Variants in ANK2 observed in about 807,000 individuals in gnomAD.
The protein encoded by ANK2 is ankyrin 2.
ANK2 carries 83 observed loss-of-function variants against 360.5 expected under a neutral mutation model. The ratio of observed to expected loss-of-function variants is 0.23; its 90% CI spans 0.19 to 0.28. The LOEUF (loss-of-function observed/expected upper bound fraction) is 0.28. Ranked by LOEUF, ANK2 falls within the 10% of genes least tolerant of loss-of-function variation. The probability of loss-of-function intolerance (pLI) is 1.00; values close to 1 mark genes in which losing one functional copy is unlikely to be tolerated. For missense variants in ANK2, 4,201 were observed against 4,795.7 expected, an observed-to-expected ratio of 0.88 and a Z score of 3.66; for synonymous variants, 1,740 against 1,759.5, an observed-to-expected ratio of 0.99 and a Z score of 0.28.
At chr4:113,167,663 A>C (rs536890543) in intron 1 of ANK2, among the ~76,000 whole-genome samples, 3 of 152,224 alleles carry the variant, frequency 2.0e-5, no homozygotes, top group Admixed American at 6.5e-5. Context: ...AAAATGCATA[A>C]ATTATAAATG....
chr4:113,254,293 C>T (rs893472886), intron 10 of ANK2, among the ~76,000 whole-genome samples: 4 of 152,136 alleles, frequency 2.6e-5, no homozygotes, highest in Admixed American at 6.5e-5. Context: ...TCGATAGAGA[C>T]GGGGGTTTCC....
intron 2 of ANK2, among the ~76,000 whole-genome samples, chr4:112,978,534 A>T (rs1406731045): frequency 6.6e-6 from 1 of 152,154 alleles, no homozygotes; most frequent in Non-Finnish European, 1.5e-5. Context: ...AACTCTCTGA[A>T]TTAGGTTATT....
chr4:112,752,061 T>C, the ANK2 span, among the ~76,000 whole-genome samples: 2 of 152,216 alleles, frequency 1.3e-5, no homozygotes, highest in Non-Finnish European at 2.9e-5. Context: ...GTGGTTCTTA[T>C]ACACATGGCA....
chr4:113,249,667 G>T, intron 9 of ANK2, 97 bp from the exon 10 acceptor site: 1 of 1,097,484 alleles, frequency 9.1e-7, no homozygotes, highest in East Asian at 2.5e-5. Flanking sequence ...TGAGTAATCA[G>T]GATTGAGTTT....
the ANK2 span, among the ~76,000 whole-genome samples, chr4:112,812,568 C>G: frequency 2.0e-5 from 3 of 152,184 alleles, no homozygotes; most frequent in African/African-American, 7.2e-5. Flanking sequence ...AGTGAATGAA[C>G]CCTCAGAGGA....
intron 1 of ANK2, among the ~76,000 whole-genome samples, chr4:112,842,583 C>G (rs913514209): frequency 6.6e-6 from 1 of 152,092 alleles, no homozygotes; most frequent in Non-Finnish European, 1.5e-5. Flanking sequence ...ATAAGAAGCC[C>G]GTAACTTAGA....
chr4:112,755,182 G>A, the ANK2 span, among the ~76,000 whole-genome samples: 1 of 152,156 alleles, frequency 6.6e-6, no homozygotes, highest in East Asian at 1.9e-4. Flanking sequence ...GGATTGTCCT[G>A]TGTCAAGTTT....
At chr4:113,231,839 A>G (rs2099311823) in intron 4 of ANK2, among the ~76,000 whole-genome samples, 1 of 152,144 alleles carries the variant, frequency 6.6e-6, no homozygotes, top group Non-Finnish European at 1.5e-5. Context: ...TGACCTCATG[A>G]TCCACCCGCC....
chr4:113,126,170 A>G (rs186374475), intron 1 of ANK2, among the ~76,000 whole-genome samples: 1 of 152,322 alleles, frequency 6.6e-6, no homozygotes, highest in East Asian at 1.9e-4. Flanking sequence ...TACACTGATA[A>G]TACCAGGAGT....
chr4:112,772,468 C>T, the ANK2 span, among the ~76,000 whole-genome samples: 158 of 152,186 alleles, frequency 1.0e-3, no homozygotes, highest in African/African-American at 3.2e-3. Flanking sequence ...CATATCAGTG[C>T]CTTATTTTGG....
intron 17 of ANK2, 121 bp from the exon 18 acceptor site, chr4:113,282,554 A>C: frequency 1.0e-6 from 1 of 976,810 alleles, no homozygotes; most frequent in Admixed American, 2.0e-5. Context: ...AGTTTGGATT[A>C]ACTGTAAACT....
chr4:113,126,034 C>A (rs1395107), intron 1 of ANK2, among the ~76,000 whole-genome samples: 104,250 of 151,940 alleles, frequency 0.69, 36,051 homozygotes, highest in African/African-American at 0.72. Flanking sequence ...ATATAAAGCT[C>A]TATGGTTGTT....
the ANK2 span, chr4:112,739,230 A>G: frequency 3.7e-6 from 1 of 270,172 alleles, no homozygotes; most frequent in Non-Finnish European, 7.1e-6. Context: ...GAGTTAAAAT[A>G]GGCAAAAAAG....
chr4:113,144,557 A>T (rs185001097), intron 1 of ANK2, among the ~76,000 whole-genome samples: 1 of 151,856 alleles, frequency 6.6e-6, no homozygotes, highest in Non-Finnish European at 1.5e-5. Flanking sequence ...ATTGCTTCCA[A>T]TTCAATACTT....
At chr4:113,331,823 C>T (rs2092515803) in intron 27 of ANK2, 149 bp from the exon 28 acceptor site, 3 of 798,400 alleles carry the variant, frequency 3.8e-6, no homozygotes, top group East Asian at 2.4e-5. Context: ...GTTCCTTGCT[C>T]TTTGTGACCA....
At chr4:113,118,491 A>G (rs1274041662) in intron 1 of ANK2, among the ~76,000 whole-genome samples, 1 of 152,166 alleles carries the variant, frequency 6.6e-6, no homozygotes, top group Non-Finnish European at 1.5e-5. Flanking sequence ...TTGAGAACCA[A>G]CATTGAGTTG....
intron 2 of ANK2, among the ~76,000 whole-genome samples, chr4:112,912,713 T>G (rs1015673065): frequency 1.3e-5 from 2 of 151,906 alleles, no homozygotes; most frequent in Admixed American, 1.3e-4. Context: ...GTGACCAGAG[T>G]GAAGTAGAGA....
the ANK2 span, among the ~76,000 whole-genome samples, chr4:112,777,173 G>A: frequency 0.74 from 112,549 of 152,100 alleles, 42,555 homozygotes; most frequent in East Asian, 0.97. Context: ...GGCAATATAC[G>A]TATGTAAGGC....
chr4:113,265,751 G>T (rs29409), intron 14 of ANK2, among the ~76,000 whole-genome samples: 5,361 of 152,034 alleles, frequency 0.035, 135 homozygotes, highest in East Asian at 0.068. Context: ...TTTTCCATGT[G>T]GTTTGGTTAA....
Sources: allele counts gnomAD v4.1 joint callset (sites outside exome capture counted in the v4.1 genomes callset), GRCh38; gene constraint gnomAD v4.1.1; transcripts MANE v1.5; gene names NCBI Gene and HGNC (gene_info 2026-07-23, HGNC 2026-07-21).